The following ARHGAP42 variants were observed in gnomAD, a reference collection of about 807,000 sequenced individuals.
The protein encoded by ARHGAP42 is Rho GTPase activating protein 42, also known as rho GTPase-activating protein 42.
A neutral mutation model predicts 125.0 loss-of-function variants in ARHGAP42; 63 were observed. The observed-to-expected ratio is 0.50, with a 90% CI of 0.41 to 0.62. The LOEUF is 0.62. ARHGAP42 is among the 20% of genes least tolerant of loss of function. The probability of loss-of-function intolerance (pLI) is 0.00; values close to 1 mark genes in which losing one functional copy is unlikely to be tolerated. For synonymous variants in ARHGAP42, 339 were observed against 351.0 expected (o/e 0.97, Z 0.38); for missense variants, 766 against 1,024.2 (o/e 0.75, Z 3.44).
chr11:100,725,985 C>T (rs555776857), intron 1 of ARHGAP42, among the ~76,000 whole-genome samples: 2 of 147,304 alleles, frequency 1.4e-5, no homozygotes, highest in East Asian at 4.0e-4. Context: ...GTAGTCCCAG[C>T]TACTTGGAAG....
chr11:100,901,419 G>A lies in ARHGAP42; in HGVS notation c.385-12033G>A, dbSNP rs144404969. On this transcript the variant is annotated intron_variant, in intron 4 of 23. Transcript: ENST00000298815. ...TCTGTTCTCAGAGCTCAAACGCTGT[G>A]CTGGGAGAACCACTGCTCTCTTCAC... Among the ~76,000 whole-genome samples, 591 of 152,302 alleles carry A rather than the reference G, an allele frequency of 3.9e-3. 3 individuals carry two copies. Among genetic ancestry groups the A allele is most frequent in the African/African-American group, 0.014 (565 of 41,558 alleles).
At chr11:100,693,910 A>C (rs536906598) in intron 1 of ARHGAP42, among the ~76,000 whole-genome samples, 1 of 151,972 alleles carries the variant, frequency 6.6e-6, no homozygotes, top group African/African-American at 2.4e-5. Context: ...AAAATGATAA[A>C]GCTTACATTA....
intron 4 of ARHGAP42, among the ~76,000 whole-genome samples, chr11:100,863,780 T>C (rs2135147272): frequency 6.6e-6 from 1 of 152,300 alleles, no homozygotes; most frequent in African/African-American, 2.4e-5. Flanking sequence ...GCCAGACATA[T>C]TACATGTGTC....
At chr11:100,967,439 G>A (rs1286526233) in intron 17 of ARHGAP42, among the ~76,000 whole-genome samples, 2 of 152,088 alleles carry the variant, frequency 1.3e-5, no homozygotes, top group Non-Finnish European at 2.9e-5. Context: ...TGAATATAAA[G>A]GAAAAAGTGA....
intron 1 of ARHGAP42, among the ~76,000 whole-genome samples, chr11:100,744,697 G>T (rs966458091): frequency 6.6e-6 from 1 of 152,118 alleles, no homozygotes; most frequent in Admixed American, 6.6e-5. Context: ...GAGTTTCTTG[G>T]TTATAGAGAG....
At chr11:100,984,563 T>C (rs957136846) in intron 22 of ARHGAP42, among the ~76,000 whole-genome samples, 7 of 152,064 alleles carry the variant, frequency 4.6e-5, no homozygotes, top group African/African-American at 1.7e-4. Context: ...ATTTCTCTTA[T>C]GTTTAAGATA....
intron 6 of ARHGAP42, among the ~76,000 whole-genome samples, chr11:100,931,572 G>A (rs1004682420): frequency 6.6e-6 from 1 of 152,084 alleles, no homozygotes; most frequent in African/African-American, 2.4e-5. Context: ...TTTCAAAGTA[G>A]CACCTGCTTT....
chr11:100,768,767 A>G (rs567664421), intron 1 of ARHGAP42, among the ~76,000 whole-genome samples: 2 of 152,194 alleles, frequency 1.3e-5, no homozygotes, highest in Non-Finnish European at 2.9e-5. Flanking sequence ...TTAGACTTAA[A>G]TAGGGTTTAT....
chr11:100,747,549 GA>G (rs1441866875), intron 1 of ARHGAP42, among the ~76,000 whole-genome samples: 1 of 152,152 alleles, frequency 6.6e-6, no homozygotes. Context: ...AGAAAAACTG[GA>G]TGATACCCCT....
chr11:100,864,831 A>C lies in ARHGAP42; in HGVS notation c.384+5206A>C, dbSNP rs574945139. 6.6e-5 allele frequency among the ~76,000 whole-genome samples: 10 copies of C among 152,274 alleles called. No homozygotes were observed. The South Asian group carries it at 2.1e-3, about 32-fold the overall frequency. On this transcript the variant is annotated intron_variant, in intron 4 of 23. Transcript: ENST00000298815. ...TATGCCCAAACTTACCCCTTGAACC[A>C]AGCATAGTTAATACGTTTCCCTTAT... is the stretch of plus-strand genomic sequence containing the variant.
At chr11:100,748,694 A>G (rs116292961) in intron 1 of ARHGAP42, among the ~76,000 whole-genome samples, 1 of 152,144 alleles carries the variant, frequency 6.6e-6, no homozygotes, top group Non-Finnish European at 1.5e-5. Context: ...GATTGAATGC[A>G]TTTGGGCCAT....
intron 17 of ARHGAP42, among the ~76,000 whole-genome samples, chr11:100,966,030 AG>A (rs1273382208): frequency 4.6e-5 from 7 of 152,202 alleles, no homozygotes. Context: ...TGAAACAATT[AG>A]ATGTGTCAAC....
chr11:100,723,088 T>G (rs1861794033), intron 1 of ARHGAP42, among the ~76,000 whole-genome samples: 1 of 152,216 alleles, frequency 6.6e-6, no homozygotes, highest in Admixed American at 6.5e-5. Flanking sequence ...ATTTGCTCCT[T>G]TGTCGAAGAT....
intron 1 of ARHGAP42, among the ~76,000 whole-genome samples, chr11:100,730,794 C>T (rs1861942438): frequency 6.6e-6 from 1 of 152,196 alleles, no homozygotes; most frequent in Admixed American, 6.5e-5. Flanking sequence ...TAATTTACTG[C>T]ACACCTAGGC....
chr11:100,902,428 T>G (rs1211397236), intron 4 of ARHGAP42, among the ~76,000 whole-genome samples: 1 of 152,198 alleles, frequency 6.6e-6, no homozygotes, highest in African/African-American at 2.4e-5. Flanking sequence ...ATATACAAAA[T>G]TAGATCAAGA....
At chr11:100,855,167 C>T (rs1312756197) in intron 3 of ARHGAP42, among the ~76,000 whole-genome samples, 1 of 152,058 alleles carries the variant, frequency 6.6e-6, no homozygotes. Flanking sequence ...AGAAGTATTG[C>T]TTTAAATAGT....
intron 3 of ARHGAP42, among the ~76,000 whole-genome samples, chr11:100,845,994 G>C (rs1046044860): frequency 6.6e-6 from 1 of 152,126 alleles, no homozygotes; most frequent in African/African-American, 2.4e-5. Context: ...TTGCCAAATA[G>C]CATTTAGCAT....
At chr11:100,933,337 T>C in intron 7 of ARHGAP42, 77 bp downstream of exon 7, 1 of 1,087,098 alleles carries the variant, frequency 9.2e-7, no homozygotes, top group Non-Finnish European at 1.3e-6. Flanking sequence ...TTACAATTTT[T>C]TTCTAGCTGC....
At chr11:100,873,056 C>G (rs1865733282) in intron 4 of ARHGAP42, among the ~76,000 whole-genome samples, 1 of 152,132 alleles carries the variant, frequency 6.6e-6, no homozygotes, top group Non-Finnish European at 1.5e-5. Context: ...TGACAAAGAT[C>G]CCTGTATAGT....
Sources: gnomAD v4.1 joint callset for allele counts (sites outside exome capture counted in the v4.1 genomes callset) on GRCh38, gnomAD v4.1.1 for gene constraint, MANE v1.5 for transcripts, NCBI Gene and HGNC (gene_info 2026-07-23, HGNC 2026-07-21) for gene names.